RNF144A: variants seen among roughly 807,000 people sequenced by gnomAD.
RNF144A encodes E3 ubiquitin-protein ligase RNF144A.
RNF144A carries 11 observed loss-of-function variants against 38.7 expected under a neutral mutation model. That is an observed-to-expected ratio of 0.28 (90% CI 0.18 to 0.47). The LOEUF (loss-of-function observed/expected upper bound fraction) is 0.47. RNF144A is among the 20% of genes least tolerant of loss of function. The pLI, the probability that RNF144A is intolerant of heterozygous loss-of-function variation, is 0.99. For synonymous variants in RNF144A, 149 were observed against 143.9 expected, an observed-to-expected ratio of 1.04 and a Z score of -0.25; for missense variants, 316 against 377.2, an observed-to-expected ratio of 0.84 and a Z score of 1.34.
At chr2:6,993,680 G>A (rs761435796) in intron 2 of RNF144A, among the ~76,000 whole-genome samples, 2 of 152,132 alleles carry the variant, frequency 1.3e-5, no homozygotes, top group African/African-American at 4.8e-5. Context: ...CATGGCTGTC[G>A]ATAAGGGAGG....
At chr2:7,075,423 G>C in the RNF144A span, among the ~76,000 whole-genome samples, 1 of 152,112 alleles carries the variant, frequency 6.6e-6, no homozygotes, top group African/African-American at 2.4e-5. Context: ...AAAATTTCGT[G>C]TGTTGGAAAC....
At chr2:7,002,232 A>AT (rs1396711011) in intron 3 of RNF144A, among the ~76,000 whole-genome samples, 1 of 152,120 alleles carries the variant, frequency 6.6e-6, no homozygotes, top group African/African-American at 2.4e-5. Flanking sequence ...TTTTGTGCAC[A>AT]TAGCGGATAT....
rs559712314 is a variant in RNF144A, at chr2:6,943,103, C to T, written c.-12+1956C>T. 3.9e-5 allele frequency among the ~76,000 whole-genome samples: 6 copies of T among 152,242 alleles called. No individual in the cohort carries two copies. Among genetic ancestry groups the T allele is most frequent in the South Asian group, 4.1e-4 (2 of 4,832 alleles). On this transcript the variant is annotated intron_variant, in intron 2 of 8. Coordinates refer to ENST00000320892, the MANE Select transcript of RNF144A (RefSeq NM_014746.6). The surrounding 1 kb of genome is among the most constrained non-coding windows in gnomAD (Gnocchi z 4.3). ...ATCCAGATCTGATCGTTTAAGAGGGCGGTATGTGCTGGAGATGTGATAGGA... is the reference window on the plus strand; with the variant it reads ...ATCCAGATCTGATCGTTTAAGAGGGTGGTATGTGCTGGAGATGTGATAGGA...
intron 6 of RNF144A, among the ~76,000 whole-genome samples, chr2:7,065,416 G>T (rs1674169927): frequency 6.6e-6 from 1 of 152,212 alleles, no homozygotes; most frequent in Non-Finnish European, 1.5e-5. Context: ...CCTCAAAAGT[G>T]GGATGGGGTT....
chr2:6,988,098 CTT>C (rs767467107), intron 2 of RNF144A, among the ~76,000 whole-genome samples: 5 of 152,076 alleles, frequency 3.3e-5, no homozygotes, highest in Non-Finnish European at 7.4e-5. Context: ...TAAAAATAAA[CTT>C]TTATTTTAGG....
At chr2:6,957,284 G>A (rs764341091) in intron 2 of RNF144A, among the ~76,000 whole-genome samples, 25 of 152,246 alleles carry the variant, frequency 1.6e-4, no homozygotes, top group Non-Finnish European at 3.2e-4. Context: ...TGAGCTCAGC[G>A]TAGAGGGCCT....
At chr2:6,919,366 C>G (rs1268102363) in intron 1 of RNF144A, among the ~76,000 whole-genome samples, 1 of 152,182 alleles carries the variant, frequency 6.6e-6, no homozygotes, top group African/African-American at 2.4e-5. Context: ...GATTAGGGAA[C>G]CTTGTTTTTT....
At chr2:6,959,519 T>A (rs1667207010) in intron 2 of RNF144A, among the ~76,000 whole-genome samples, 1 of 152,150 alleles carries the variant, frequency 6.6e-6, no homozygotes, top group Non-Finnish European at 1.5e-5. Flanking sequence ...TTTCTCACAG[T>A]CCTGGAGGCT....
At chr2:7,068,150 CA>C (rs1412097797) in intron 6 of RNF144A, 5 of 826,262 alleles carry the variant, frequency 6.1e-6, no homozygotes, top group Non-Finnish European at 9.0e-6. Context: ...GTGATTTACA[CA>C]AGTATCATTG....
chr2:7,012,581 C>T (rs1043472548), intron 3 of RNF144A, among the ~76,000 whole-genome samples: 5 of 152,186 alleles, frequency 3.3e-5, no homozygotes, highest in African/African-American at 9.7e-5. Context: ...CTGTTCTGCT[C>T]ATTGTTACAA....
rs573353683 is a variant in RNF144A, at chr2:6,944,386, G to T, written c.-12+3239G>T. ...TCCGTACTTTAAAAGGGCTGCTGGA[G>T]AGATCTTCCCCTCCACTTACCCGAT... On this transcript the variant is annotated intron_variant, in intron 2 of 8. Transcript: ENST00000320892. The surrounding 1 kb of genome is among the most constrained non-coding windows in gnomAD (Gnocchi z 4.7). Among the ~76,000 whole-genome samples the T allele has an allele frequency of 4.6e-5, 7 of 152,152 alleles. No homozygotes were observed. The highest frequency in any genetic ancestry group is 1.7e-4 in the African/African-American group (7 of 41,512).
At position 7,041,572 on chromosome 2, in the gene RNF144A, A is replaced by G; in HGVS notation, c.*1812A>G. 4 of 985,976 alleles carry G rather than the reference A, an allele frequency of 4.1e-6. No individual in the cohort carries two copies. The highest frequency in any genetic ancestry group is 4.8e-6 in the Non-Finnish European group (4 of 829,958). 61.1% of individuals were successfully genotyped at this position (985,976 alleles called of 1,614,324 possible). The stretch of plus-strand genomic sequence containing the variant: ...TGGTGCTGTGATGGTGTCTACTGTT[A>G]GAATAGCTTTTCTGGAGGTGGGTGG... On this transcript the variant is annotated 3_prime_UTR_variant, in exon 9 of 9. Coordinates refer to ENST00000320892, the MANE Select transcript of RNF144A (RefSeq NM_014746.6).
chr2:6,946,189 C>T (rs1054707561), intron 2 of RNF144A, among the ~76,000 whole-genome samples: 2 of 152,206 alleles, frequency 1.3e-5, no homozygotes, highest in Admixed American at 1.3e-4. Flanking sequence ...AGCCTAACAA[C>T]AGAACTTCAT....
At chr2:7,048,959 A>G (rs1318572285), downstream of RNF144A, among the ~76,000 whole-genome samples, 2 of 152,196 alleles carry the variant, frequency 1.3e-5, no homozygotes, top group East Asian at 1.9e-4. Context: ...ATAGAGATGC[A>G]AAGCCTCCTA....
intron 6 of RNF144A, among the ~76,000 whole-genome samples, chr2:7,053,847 C>T (rs1673621753): frequency 6.6e-6 from 1 of 152,210 alleles, no homozygotes; most frequent in African/African-American, 2.4e-5. Flanking sequence ...TCATACTTGG[C>T]TGGGAGCCAC....
intron 2 of RNF144A, among the ~76,000 whole-genome samples, chr2:6,969,635 C>T (rs1010570497): frequency 6.6e-6 from 1 of 152,230 alleles, no homozygotes; most frequent in African/African-American, 2.4e-5. Flanking sequence ...ATCTGAAATA[C>T]TGCAGAGTAT....
At chr2:7,010,160 C>T (rs563365431) in intron 3 of RNF144A, among the ~76,000 whole-genome samples, 61 of 152,160 alleles carry the variant, frequency 4.0e-4, no homozygotes, top group Non-Finnish European at 7.3e-4. Context: ...TCCGGAGCAC[C>T]GCTGTCTCCG....
At chr2:7,075,047 T>A in the RNF144A span, among the ~76,000 whole-genome samples, 11 of 152,178 alleles carry the variant, frequency 7.2e-5, no homozygotes, top group African/African-American at 2.4e-4. Context: ...TTCCCAAAAC[T>A]TTTTTTATAC....
At chr2:6,933,643 T>C (rs1665353711) in intron 1 of RNF144A, among the ~76,000 whole-genome samples, 1 of 150,552 alleles carries the variant, frequency 6.6e-6, no homozygotes, top group South Asian at 2.1e-4. Context: ...GAGAATAAAA[T>C]TCCCTTTATT....
Sources: gnomAD v4.1 joint callset for allele counts (sites outside exome capture counted in the v4.1 genomes callset) on GRCh38, gnomAD v4.1.1 for gene constraint, Gnocchi (gnomAD v3.1) non-coding constraint, MANE v1.5 for transcripts, NCBI Gene and HGNC (gene_info 2026-07-23, HGNC 2026-07-21) for gene names.